PARP15: variants seen among roughly 807,000 people sequenced by gnomAD.
PARP15 encodes the protein poly(ADP-ribose) polymerase family member 15.
A neutral mutation model predicts 62.1 loss-of-function variants in PARP15; 50 were observed. The ratio of observed to expected loss-of-function variants is 0.81; its 90% CI spans 0.64 to 1.02. The LOEUF (loss-of-function observed/expected upper bound fraction) is 1.02, where lower values mean the gene tolerates loss of function less well. Among genes scored for constraint, PARP15 ranks in the 50% least tolerant of loss-of-function variants. The pLI is 0.00. For synonymous variants in PARP15, 309 were observed against 293.1 expected (o/e 1.05, Z -0.55); for missense variants, 820 against 826.5 (o/e 0.99, Z 0.10).
chr3:122,618,272 T>C (rs1343701362), intron 6 of PARP15, among the ~76,000 whole-genome samples: 2 of 152,202 alleles, frequency 1.3e-5, no homozygotes, highest in African/African-American at 2.4e-5. Context: ...CATTTATCCC[T>C]GTCCCCTTTT....
At chr3:122,627,470 G>A (rs1936808928) in intron 9 of PARP15, among the ~76,000 whole-genome samples, 1 of 152,196 alleles carries the variant, frequency 6.6e-6, no homozygotes, top group Non-Finnish European at 1.5e-5. Context: ...AGGGTCAGCT[G>A]GGTGTACTAC....
chr3:122,603,033 T>G (rs1199964661), intron 1 of PARP15, among the ~76,000 whole-genome samples: 2 of 151,010 alleles, frequency 1.3e-5, no homozygotes, highest in Non-Finnish European at 2.9e-5. Context: ...GACTACCCTT[T>G]ATTTTTATTT....
At position 122,627,837 on chromosome 3, in the gene PARP15, A is replaced by G. The variant is rs567888673; in HGVS notation, c.1438+804A>G. The stretch of plus-strand genomic sequence containing the variant: ...CTTGGTGTGCTACAACACACAATAC[A>G]TGTAGGACACACACAATAAAAACAT... On this transcript the variant is annotated intron_variant, in intron 9 of 11. Transcript: ENST00000464300. Among the ~76,000 whole-genome samples the G allele has an allele frequency of 2.0e-5, 3 of 152,356 alleles. No homozygotes were observed. The South Asian group carries it at 6.2e-4, about 32-fold the overall frequency.
At chr3:122,629,826 G>T (rs1188847512) in intron 9 of PARP15, among the ~76,000 whole-genome samples, 1 of 152,142 alleles carries the variant, frequency 6.6e-6, no homozygotes, top group East Asian at 1.9e-4. Flanking sequence ...TAGATCCCTT[G>T]CATGCACAGT....
chr3:122,613,114 T>A lies in PARP15; in HGVS notation c.617T>A (p.Met206Lys). Residue 206 changes from methionine (M) to lysine (K), a missense_variant, in exon 4 of 12, where the codon ATG becomes AAG. Physicochemically the swap from Met to Lys is moderately conservative, Grantham distance 95 (BLOSUM62 -1). Coordinates refer to ENST00000464300, the MANE Select transcript of PARP15 (RefSeq NM_001113523.3). ...TCTTTCTCATCAATCACATTTCCCA[T>A]GATTGGAACAGGAAGTTTGCAGTTT... Reference protein sequence around the residue: ...VLSFSSITFPMIGTGSLQFPK... With the variant: ...VLSFSSITFPKIGTGSLQFPK... 1 of 1,551,828 alleles carries A rather than the reference T, an allele frequency of 6.4e-7. No individual in the cohort carries two copies. Among genetic ancestry groups the A allele is most frequent in the Non-Finnish European group, 8.7e-7 (1 of 1,147,006 alleles).
In PARP15 at chr3:122,638,098, C is replaced by T. The variant is rs1937461112; in HGVS notation, c.*1998C>T. The T allele has an allele frequency of 6.6e-6, 1 of 152,072 alleles. No individual in the cohort carries two copies. The highest frequency in any genetic ancestry group is 2.1e-4 in the South Asian group (1 of 4,822). The allele number at this position is 152,072 out of a possible 1,614,324, so 9.4% of individuals were successfully genotyped here. ...GTTTGCTGAGAATGATGGTTTCCAG[C>T]TTCATCCATGTCCCTACAAAGGACA... On this transcript the variant is annotated 3_prime_UTR_variant, in exon 12 of 12. Transcript: ENST00000464300.
Position 122,637,532 on chromosome 3 carries a change from T to C in PARP15, c.*1432T>C, listed in dbSNP as rs1325542484. On this transcript the variant is annotated 3_prime_UTR_variant, in exon 12 of 12. Transcript: ENST00000464300. The stretch of plus-strand genomic sequence containing the variant: ...CTTAAAATGCTTAGCAGCTCATTTA[T>C]CCTGAAGCATCACTTTTGAAGAGTT... The C allele has an allele frequency of 6.6e-6, 1 of 152,214 alleles. No individual in the cohort carries two copies. Among genetic ancestry groups the C allele is most frequent in the Admixed American group, 6.5e-5 (1 of 15,274 alleles). 9.4% of individuals were successfully genotyped at this position (152,214 alleles called of 1,614,324 possible).
At chr3:122,620,854 T>C (rs1936296144) in intron 7 of PARP15, among the ~76,000 whole-genome samples, 1 of 152,192 alleles carries the variant, frequency 6.6e-6, no homozygotes, top group South Asian at 2.1e-4. Flanking sequence ...CCAGCCTTAC[T>C]CAGAGCAGTC....
chr3:122,604,688 G>A (rs1172802019), intron 1 of PARP15, among the ~76,000 whole-genome samples: 2 of 152,064 alleles, frequency 1.3e-5, no homozygotes, highest in African/African-American at 4.8e-5. Context: ...GATAATTTTT[G>A]TATCTTTGTA....
chr3:122,579,935 C>A (rs948278068), intron 1 of PARP15, among the ~76,000 whole-genome samples: 3 of 147,966 alleles, frequency 2.0e-5, no homozygotes, highest in Non-Finnish European at 4.5e-5. Context: ...GCTGAGATTG[C>A]GCCACTGCAC....
intron 4 of PARP15, among the ~76,000 whole-genome samples, chr3:122,613,732 T>G (rs1935739962): frequency 6.6e-6 from 1 of 151,636 alleles, no homozygotes; most frequent in Non-Finnish European, 1.5e-5. Flanking sequence ...TAGTTCCCAC[T>G]GACATTAGAA....
chr3:122,601,341 A>G (rs1439440927), intron 1 of PARP15, among the ~76,000 whole-genome samples: 1 of 152,056 alleles, frequency 6.6e-6, no homozygotes, highest in African/African-American at 2.4e-5. Context: ...ACAAATGCAT[A>G]ATGTCATGTG....
At position 122,617,022 on chromosome 3, in the gene PARP15, C is replaced by T. The variant is rs768212236; in HGVS notation, c.858C>T (p.Val286=). 53 of 1,613,634 alleles carry T rather than the reference C, an allele frequency of 3.3e-5. No individual in the cohort carries two copies. The highest frequency in any genetic ancestry group is 4.2e-5 in the Non-Finnish European group (50 of 1,179,874). The part of the protein sequence containing the change: ...IPMAGDTQGV[V]GTVSKPCFTA... ...TATTTTCTTTCTTTTCAGGTGTGGT[C>T]GGGACTGTCTCTAAGCCTTGTTTCA... The change falls in exon 6 of 12, where the codon GTC becomes GTT. Residue 286 remains valine, a synonymous_variant. Coordinates refer to ENST00000464300, the MANE Select transcript of PARP15 (RefSeq NM_001113523.3).
At chr3:122,599,330 G>T (rs1462755471) in intron 1 of PARP15, among the ~76,000 whole-genome samples, 5 of 151,234 alleles carry the variant, frequency 3.3e-5, no homozygotes, top group Non-Finnish European at 7.4e-5. Context: ...ATGATATTGT[G>T]CCACTGCACT....
At chr3:122,629,780 C>T (rs1216622000) in intron 9 of PARP15, among the ~76,000 whole-genome samples, 1 of 152,118 alleles carries the variant, frequency 6.6e-6, no homozygotes, top group African/African-American at 2.4e-5. Flanking sequence ...AGTGTCAGAT[C>T]ATCAGGCATT....
chr3:122,634,076 A>T (rs772611391), intron 10 of PARP15, among the ~76,000 whole-genome samples: 7 of 152,028 alleles, frequency 4.6e-5, no homozygotes, highest in Non-Finnish European at 7.4e-5. Context: ...CAACTTTCTC[A>T]CCTGCTTTTA....
intron 6 of PARP15, 87 bp downstream of exon 6, chr3:122,617,251 A>C: frequency 1.4e-5 from 19 of 1,370,640 alleles, no homozygotes; most frequent in Non-Finnish European, 1.9e-5. Context: ...CTGAGTGGAC[A>C]GAGAGTGTTG....
Position 122,636,783 on chromosome 3 carries a change from A to T in PARP15, c.*683A>T, listed in dbSNP as rs903363024. The T allele has an allele frequency of 6.6e-6, 1 of 152,232 alleles. No individual in the cohort carries two copies. The highest frequency in any genetic ancestry group is 2.4e-5 in the African/African-American group (1 of 41,422). The allele number at this position is 152,232 out of a possible 1,614,324, so 9.4% of individuals were successfully genotyped here. On this transcript the variant is annotated 3_prime_UTR_variant, in exon 12 of 12. Coordinates refer to ENST00000464300, the MANE Select transcript of PARP15 (RefSeq NM_001113523.3). Reference sequence around the variant, plus strand: ...CTAGGGTCTCTCTGAAGTTACAGACAAGATGTCAGGGGATGTGGTCGTTTG... The same window carrying T: ...CTAGGGTCTCTCTGAAGTTACAGACTAGATGTCAGGGGATGTGGTCGTTTG...
intron 5 of PARP15, 127 bp from the exon 6 acceptor site, chr3:122,616,888 A>G: frequency 1.0e-6 from 1 of 997,414 alleles, no homozygotes; most frequent in Non-Finnish European, 1.5e-6. Context: ...GAGATGTGGC[A>G]ATATTTCGGT....
Sources: allele counts gnomAD v4.1 joint callset (sites outside exome capture counted in the v4.1 genomes callset), GRCh38; gene constraint gnomAD v4.1.1; transcripts MANE v1.5; gene names NCBI Gene and HGNC (gene_info 2026-07-23, HGNC 2026-07-21).